CRTAP: variants seen among roughly 807,000 people sequenced by gnomAD.
The protein encoded by CRTAP is cartilage associated protein.
A neutral mutation model predicts 42.7 loss-of-function variants in CRTAP; 33 were observed. The observed-to-expected ratio is 0.77, with a 90% CI of 0.59 to 1.03. The LOEUF (loss-of-function observed/expected upper bound fraction) is 1.03. CRTAP is among the 50% of genes least tolerant of loss of function. The pLI is 0.00. For missense variants in CRTAP, 613 were observed against 533.9 expected (o/e 1.15, Z -1.46); for synonymous variants, 243 against 217.7 (o/e 1.12, Z -1.02).
chr3:33,134,191 C>A lies in CRTAP; in HGVS notation c.1078C>A (p.Gln360Lys). ...EHFQPRPEAV[Q>K]FFNVTTLQKE... ...TGTTGTGTCTGAACAGGAAGCAGTT[C>A]AGTTCTTTAATGTGACCACACTCCA... Residue 360 changes from glutamine to lysine, a missense_variant, in exon 6 of 7, where the codon CAG (glutamine) becomes AAG (lysine). Gln to Lys is a moderately conservative substitution (Grantham distance 53, BLOSUM62 1). Coordinates refer to ENST00000320954, the MANE Select transcript of CRTAP (RefSeq NM_006371.5). The A allele has an allele frequency of 6.2e-7, 1 of 1,611,996 alleles. No homozygotes were observed. Among genetic ancestry groups the A allele is most frequent in the Non-Finnish European group, 8.5e-7 (1 of 1,178,074 alleles).
At chr3:33,131,093 C>T (rs1381068769) in intron 4 of CRTAP, among the ~76,000 whole-genome samples, 1 of 152,142 alleles carries the variant, frequency 6.6e-6, no homozygotes, top group Non-Finnish European at 1.5e-5. Context: ...ACTTCCTCTG[C>T]CCTAATGAAA....
chr3:33,114,139 T>C lies in CRTAP; in HGVS notation c.62T>C (p.Leu21Pro). ...GCGCTGCTGTGCGTGGCCTGCGCGC[T>C]GCGCGCCGGGCGCGCCCAATACGAA... ...LLALLCVACA[L>P]RAGRAQYERY... is the part of the protein sequence containing the mutation. Residue 21 changes from leucine to proline, a missense_variant, in exon 1 of 7, where the codon CTG (leucine) becomes CCG (proline). By Grantham distance (98) the Leu-to-Pro change is moderately conservative. Transcript: ENST00000320954. 2 of 1,571,988 alleles carry C rather than the reference T, an allele frequency of 1.3e-6. No individual in the cohort carries two copies. Among genetic ancestry groups the C allele is most frequent in the Non-Finnish European group, 1.7e-6 (2 of 1,168,772 alleles).
At chr3:33,123,340 T>C (rs1265490329) in intron 2 of CRTAP, among the ~76,000 whole-genome samples, 1 of 152,162 alleles carries the variant, frequency 6.6e-6, no homozygotes, top group Non-Finnish European at 1.5e-5. Flanking sequence ...GGTGATTGGA[T>C]CATGGGAGTG....
At chr3:33,126,214 A>G (rs913139159) in intron 3 of CRTAP, among the ~76,000 whole-genome samples, 1 of 152,250 alleles carries the variant, frequency 6.6e-6, no homozygotes, top group Admixed American at 6.5e-5. Flanking sequence ...AAGTGGAGTC[A>G]TACAGTATTT....
At chr3:33,125,217 C>T in intron 3 of CRTAP, among the ~76,000 whole-genome samples, 1 of 152,170 alleles carries the variant, frequency 6.6e-6, no homozygotes, top group Non-Finnish European at 1.5e-5. Flanking sequence ...AACACTGATC[C>T]TAGAACTGTG....
In CRTAP at chr3:33,145,285, G is replaced by A. The variant is rs764661352; in HGVS notation, c.*2837G>A. ...ACAGTCCCCTACCACTTCTGTCTTG[G>A]GCTGAAGTTGCCCACGTCCACAAAA... On this transcript the variant is annotated 3_prime_UTR_variant, in exon 7 of 7. Transcript: ENST00000320954. This position sits in a 1 kb window ranked among gnomAD's most constrained non-coding sequence, Gnocchi z 4.3. 1 of 152,308 alleles carries A rather than the reference G, an allele frequency of 6.6e-6. No homozygotes were observed. The highest frequency in any genetic ancestry group is 1.9e-4 in the East Asian group (1 of 5,188). The allele number at this position is 152,308 out of a possible 1,614,324, so 9.4% of individuals were successfully genotyped here. A position where few individuals can be genotyped will look rare whatever the true frequency, so the allele number is the denominator to read the frequency against.
intron 2 of CRTAP, among the ~76,000 whole-genome samples, chr3:33,121,661 G>C (rs1162533343): frequency 6.6e-6 from 1 of 152,134 alleles, no homozygotes; most frequent in Non-Finnish European, 1.5e-5. Context: ...ACCAGTGTGG[G>C]GAGAGGGACA....
At chr3:33,134,849 T>C (rs2030377120) in intron 6 of CRTAP, among the ~76,000 whole-genome samples, 1 of 152,146 alleles carries the variant, frequency 6.6e-6, no homozygotes, top group Non-Finnish European at 1.5e-5. Context: ...AAATGCTTAC[T>C]GAGAAAGCTG....
chr3:33,131,883 G>A (rs2030276974), intron 4 of CRTAP, among the ~76,000 whole-genome samples: 1 of 152,046 alleles, frequency 6.6e-6, no homozygotes, highest in African/African-American at 2.4e-5. Context: ...AGAGTGGAAT[G>A]TGCCAGAATA....
intron 5 of CRTAP, among the ~76,000 whole-genome samples, chr3:33,133,162 GA>G (rs1362564956): frequency 6.6e-6 from 1 of 152,080 alleles, no homozygotes; most frequent in African/African-American, 2.4e-5. Flanking sequence ...AAACATTACA[GA>G]AATATTTTAC....
At chr3:33,116,405 C>G (rs1303562832) in intron 1 of CRTAP, among the ~76,000 whole-genome samples, 1 of 152,204 alleles carries the variant, frequency 6.6e-6, no homozygotes, top group Non-Finnish European at 1.5e-5. Context: ...GTCACCCAGA[C>G]TGGAATGCAG....
chr3:33,134,750 T>A (rs1474245349), intron 6 of CRTAP, among the ~76,000 whole-genome samples: 1 of 152,210 alleles, frequency 6.6e-6, no homozygotes, highest in African/African-American at 2.4e-5. Context: ...ACTCAACTGG[T>A]TATGGAGTGG....
intron 1 of CRTAP, among the ~76,000 whole-genome samples, chr3:33,117,773 A>C (rs1701361439): frequency 6.6e-6 from 1 of 152,206 alleles, no homozygotes; most frequent in Non-Finnish European, 1.5e-5. Context: ...CACCTTCTCC[A>C]AAATCTGCCT....
intron 6 of CRTAP, among the ~76,000 whole-genome samples, chr3:33,134,738 T>C (rs1382397410): frequency 6.6e-6 from 1 of 152,226 alleles, no homozygotes; most frequent in Non-Finnish European, 1.5e-5. Flanking sequence ...TTTCTGACCC[T>C]GACTCAACTG....
In CRTAP at chr3:33,144,187, T is replaced by A. The variant is rs2030658964; in HGVS notation, c.*1739T>A. On this transcript the variant is annotated 3_prime_UTR_variant, in exon 7 of 7. Transcript: ENST00000320954. The stretch of plus-strand genomic sequence containing the variant: ...AAGAGCCAATAGGATTTGCTGAGAG[T>A]TTGAATGTGGAGTGTAAGAGAAGGA... 1 of 151,940 alleles carries A rather than the reference T, an allele frequency of 6.6e-6. No individual in the cohort carries two copies. Among genetic ancestry groups the A allele is most frequent in the African/African-American group, 2.4e-5 (1 of 41,342 alleles). The allele number at this position is 151,940 out of a possible 1,614,324, so 9.4% of individuals were successfully genotyped here. A position where few individuals can be genotyped will look rare whatever the true frequency, so the allele number is the denominator to read the frequency against.
Position 33,144,796 on chromosome 3 carries a change from A to G in CRTAP, c.*2348A>G, listed in dbSNP as rs2030676635. ...GGATGGAGCCCTTGGGCTCTCTGGG[A>G]AATGGGAAATCAGCCAAAGGACTGA... On this transcript the variant is annotated 3_prime_UTR_variant, in exon 7 of 7. Coordinates refer to ENST00000320954, the MANE Select transcript of CRTAP (RefSeq NM_006371.5). The G allele has an allele frequency of 6.6e-6, 1 of 152,192 alleles. No individual in the cohort carries two copies. 9.4% of individuals were successfully genotyped at this position (152,192 alleles called of 1,614,324 possible). A position where few individuals can be genotyped will look rare whatever the true frequency, so the allele number is the denominator to read the frequency against.
rs775265156 is a variant in CRTAP at position 33,114,139 on chromosome 3, T to G, written c.62T>G (p.Leu21Arg). 5.6e-5 allele frequency: 88 copies of G among 1,571,880 alleles called. No individual in the cohort carries two copies. Among genetic ancestry groups the G allele is most frequent in the Non-Finnish European group, 6.6e-5 (77 of 1,168,782 alleles). The change falls in exon 1 of 7, where the codon CTG (leucine) becomes CGG (arginine). Residue 21 changes from leucine to arginine, a missense_variant. Physicochemically the swap from Leu to Arg is moderately radical, Grantham distance 102. Coordinates refer to ENST00000320954, the MANE Select transcript of CRTAP (RefSeq NM_006371.5). ...GCGCTGCTGTGCGTGGCCTGCGCGC[T>G]GCGCGCCGGGCGCGCCCAATACGAA... is the stretch of plus-strand genomic sequence containing the variant. ...LLALLCVACA[L>R]RAGRAQYERY...
At chr3:33,133,648 A>G (rs1000892185) in intron 5 of CRTAP, among the ~76,000 whole-genome samples, 1 of 130,264 alleles carries the variant, frequency 7.7e-6, no homozygotes, top group Non-Finnish European at 1.6e-5. Context: ...ATATTTACAT[A>G]GTTTTACAAC....
chr3:33,133,394 G>C (rs2030328749), intron 5 of CRTAP, among the ~76,000 whole-genome samples: 2 of 151,836 alleles, frequency 1.3e-5, no homozygotes, highest in Non-Finnish European at 2.9e-5. Flanking sequence ...GAGTAGCTGG[G>C]ATTACAGGCG....
Sources: allele counts gnomAD v4.1 joint callset (sites outside exome capture counted in the v4.1 genomes callset), GRCh38; gene constraint gnomAD v4.1.1; non-coding constraint Gnocchi (gnomAD v3.1); transcripts MANE v1.5; gene names NCBI Gene and HGNC (gene_info 2026-07-23, HGNC 2026-07-21).